The following CACNA1I variants were observed in gnomAD, a reference collection of about 807,000 sequenced individuals.
CACNA1I encodes voltage-dependent T-type calcium channel subunit alpha-1I.
Under a neutral mutation model 201.6 loss-of-function variants are expected in CACNA1I, and 74 were observed. That is an observed-to-expected ratio of 0.37 (90% CI 0.30 to 0.45). The LOEUF is 0.45. CACNA1I is among the 20% of genes least tolerant of loss of function. The probability of loss-of-function intolerance (pLI) is 1.00; values close to 1 mark genes in which losing one functional copy is unlikely to be tolerated. For missense variants in CACNA1I, 2,346 were observed against 3,138.1 expected (o/e 0.75, Z 6.03); for synonymous variants, 1,431 against 1,345.2 (o/e 1.06, Z -1.40).
intron 3 of CACNA1I, among the ~76,000 whole-genome samples, chr22:39,608,405 G>A (rs915088562): frequency 2.6e-5 from 4 of 152,058 alleles, no homozygotes; most frequent in Admixed American, 6.6e-5. Context: ...GTTAGAGATC[G>A]GTCTGGGCAA....
intron 1 of CACNA1I, among the ~76,000 whole-genome samples, chr22:39,583,082 AACAATCC>A (rs1932621743): frequency 7.9e-6 from 1 of 126,032 alleles, no homozygotes; most frequent in African/African-American, 3.0e-5. Context: ...CCATCCATCC[AACAATCC>A]GTCCATTCAT....
chr22:39,614,925 G>T (rs1933488510), intron 3 of CACNA1I, among the ~76,000 whole-genome samples: 1 of 152,240 alleles, frequency 6.6e-6, no homozygotes, highest in Non-Finnish European at 1.5e-5. Flanking sequence ...CTTAGGAGCT[G>T]GCAGGAGGTA....
intron 4 of CACNA1I, among the ~76,000 whole-genome samples, chr22:39,622,199 G>A (rs895218436): frequency 1.3e-5 from 2 of 152,178 alleles, no homozygotes; most frequent in African/African-American, 2.4e-5. Context: ...CCAAAGACAC[G>A]TGTGAAATGG....
intron 3 of CACNA1I, among the ~76,000 whole-genome samples, chr22:39,609,361 T>A (rs1933314917): frequency 6.6e-6 from 1 of 152,204 alleles, no homozygotes; most frequent in African/African-American, 2.4e-5. Flanking sequence ...TGGCTGCAAG[T>A]AATAGAAAAC....
intron 4 of CACNA1I, among the ~76,000 whole-genome samples, chr22:39,626,178 G>A (rs1364244449): frequency 1.3e-5 from 2 of 152,192 alleles, no homozygotes; most frequent in Non-Finnish European, 2.9e-5. Context: ...CACTGGCTGT[G>A]GGACCCTGAG....
chr22:39,598,633 A>C (rs1391166685), intron 2 of CACNA1I, among the ~76,000 whole-genome samples: 1 of 151,930 alleles, frequency 6.6e-6, no homozygotes, highest in Non-Finnish European at 1.5e-5. Flanking sequence ...ACACCTGCAA[A>C]GAACAGTGAC....
At position 39,663,451 on chromosome 22, in the gene CACNA1I, C is replaced by G. The variant is rs1209915892; in HGVS notation, c.3474-267C>G. 2.0e-5 allele frequency among the ~76,000 whole-genome samples: 3 copies of G among 152,148 alleles called. No homozygotes were observed. The East Asian group carries it at 5.8e-4, about 29-fold the overall frequency. ...AGAGGGTACTAGGCAGCGTGGTATC[C>G]TCCTGACAGGCTCAGGGATCTGGGC... is the stretch of plus-strand genomic sequence containing the variant. On this transcript the variant is annotated intron_variant, in intron 18 of 36. Transcript: ENST00000402142.
Position 39,666,039 on chromosome 22 carries a change from C to T in CACNA1I, c.4104+33C>T. Reference sequence around the variant, plus strand: ...CCACCGTCCTAGCCCTGATCAGACCCTCCCCTCTCTTGGATGCCAGTGGCT... The same window carrying T: ...CCACCGTCCTAGCCCTGATCAGACCTTCCCCTCTCTTGGATGCCAGTGGCT... On this transcript the variant is annotated intron_variant, in intron 23 of 36. Transcript: ENST00000402142. This position sits in a 1 kb window ranked among gnomAD's most constrained non-coding sequence, Gnocchi z 4.1. 2 of 1,600,614 alleles carry T rather than the reference C, an allele frequency of 1.2e-6. No individual in the cohort carries two copies. The highest frequency in any genetic ancestry group is 1.7e-6 in the Non-Finnish European group (2 of 1,172,416).
rs1935939339 is a variant in CACNA1I, at chr22:39,688,088, C to G, written c.*1683C>G. On this transcript the variant is annotated 3_prime_UTR_variant, in exon 37 of 37. Coordinates refer to ENST00000402142, the MANE Select transcript of CACNA1I (RefSeq NM_021096.4). The surrounding 1 kb of genome is among the most constrained non-coding windows in gnomAD (Gnocchi z 4.8). ...GTGAGGGTGTGGGGTGCGCCCTTCCCTTTTGGGCTGAGGGAGAGGGGGCCG... is the reference window on the plus strand; with the variant it reads ...GTGAGGGTGTGGGGTGCGCCCTTCCGTTTTGGGCTGAGGGAGAGGGGGCCG... The G allele has an allele frequency of 6.6e-6, 1 of 152,174 alleles. No homozygotes were observed. The highest frequency in any genetic ancestry group is 2.4e-5 in the African/African-American group (1 of 41,428). 9.4% of individuals were successfully genotyped at this position (152,174 alleles called of 1,614,324 possible).
chr22:39,592,267 T>C (rs924466494), intron 1 of CACNA1I, among the ~76,000 whole-genome samples: 4 of 152,194 alleles, frequency 2.6e-5, no homozygotes, highest in Admixed American at 1.3e-4. Context: ...CCGTCAGGGA[T>C]CTAACCAGCT....
chr22:39,642,997 A>G, intron 7 of CACNA1I, 108 bp downstream of exon 7: 1 of 691,936 alleles, frequency 1.4e-6, no homozygotes. Context: ...CAGAGCCAGG[A>G]CAGCCGGGAT....
chr22:39,579,630 G>A (rs1932484170), intron 1 of CACNA1I, among the ~76,000 whole-genome samples: 1 of 148,868 alleles, frequency 6.7e-6, no homozygotes, highest in South Asian at 2.1e-4. Context: ...AGGGAGTGGT[G>A]CAAGGCTCTT....
At position 39,684,319 on chromosome 22, in the gene CACNA1I, TC is replaced by T. The variant is rs1439765719; in HGVS notation, c.5852del (p.Pro1951ArgfsTer86). Reference sequence around the variant, plus strand: ...CCCAGCAGCACCCCCAAGTCCCTTCTCCCCGGATGCCTCCAGCCCTCTCCTG... The same window carrying T: ...CCCAGCAGCACCCCCAAGTCCCTTCTCCCGGATGCCTCCAGCCCTCTCCTG... ...DSSQAPPSPF[S>X]PDASSPLLPM... On this transcript the variant is annotated frameshift_variant, in exon 36 of 37. Transcript: ENST00000402142. LOFTEE classifies it high-confidence loss of function. The surrounding 1 kb of genome is among the most constrained non-coding windows in gnomAD (Gnocchi z 4.6). 1 of 1,613,248 alleles carries T rather than the reference TC, an allele frequency of 6.2e-7. No homozygotes were observed. Among genetic ancestry groups the T allele is most frequent in the Non-Finnish European group, 8.5e-7 (1 of 1,179,806 alleles).
chr22:39,673,113 G>T, intron 28 of CACNA1I, 31 bp downstream of exon 28: 4 of 1,584,570 alleles, frequency 2.5e-6, no homozygotes, highest in Non-Finnish European at 3.4e-6. Flanking sequence ...CAGGGAACGG[G>T]GACAAGCAGG....
chr22:39,583,404 C>T (rs1045633428), intron 1 of CACNA1I, among the ~76,000 whole-genome samples: 2 of 151,028 alleles, frequency 1.3e-5, no homozygotes, highest in African/African-American at 4.9e-5. Context: ...ATCCATTCAT[C>T]CACCCATTTA....
rs774256373 is a variant in CACNA1I at position 39,685,115 on chromosome 22, TCTGGCGGGCAG to T, written c.6027+618_6027+628del. 6 of 166,992 alleles carry T rather than the reference TCTGGCGGGCAG, an allele frequency of 3.6e-5. No homozygotes were observed. Among genetic ancestry groups the T allele is most frequent in the Non-Finnish European group, 6.5e-5 (5 of 77,430 alleles). The allele number at this position is 166,992 out of a possible 1,614,324, so 10.3% of individuals were successfully genotyped here. A position where few individuals can be genotyped will look rare whatever the true frequency, so the allele number is the denominator to read the frequency against. On this transcript the variant is annotated intron_variant, in intron 36 of 36. Coordinates refer to ENST00000402142, the MANE Select transcript of CACNA1I (RefSeq NM_021096.4). The surrounding 1 kb of genome is among the most constrained non-coding windows in gnomAD (Gnocchi z 5.0). ...TGACCCGTCACACCAGGCTGTGTGC[TCTGGCGGGCAG>T]GACACAAACTCCCTGCCTGCCGGGC...
intron 3 of CACNA1I, among the ~76,000 whole-genome samples, chr22:39,608,671 TAAAAA>T (rs762238457): frequency 8.2e-6 from 1 of 122,012 alleles, no homozygotes; most frequent in Non-Finnish European, 1.7e-5. Context: ...AAACCACAGC[TAAAAA>T]AAAAAAAAAT....
chr22:39,623,875 G>T (rs1335583569), intron 4 of CACNA1I, among the ~76,000 whole-genome samples: 1 of 146,084 alleles, frequency 6.8e-6, no homozygotes, highest in African/African-American at 2.6e-5. Flanking sequence ...GCCTGTGAGG[G>T]TGTGTGTGTG....
chr22:39,679,994 G>A (rs2047306240), intron 33 of CACNA1I, 126 bp downstream of exon 33: 4 of 951,306 alleles, frequency 4.2e-6, no homozygotes, highest in Non-Finnish European at 6.2e-6. Context: ...GTGGGCACAC[G>A]TAGCTTCCAT....
Sources: gnomAD v4.1 joint callset for allele counts (sites outside exome capture counted in the v4.1 genomes callset) on GRCh38, gnomAD v4.1.1 for gene constraint, Gnocchi (gnomAD v3.1) non-coding constraint, MANE v1.5 for transcripts, NCBI Gene and HGNC (gene_info 2026-07-23, HGNC 2026-07-21) for gene names.